Variants in PARVG observed in about 807,000 individuals in gnomAD.
The protein encoded by PARVG is parvin gamma.
In PARVG, 36 loss-of-function variants were observed where a neutral mutation model predicts 44.4. That is an observed-to-expected ratio of 0.81 (90% CI 0.62 to 1.07). PARVG has a LOEUF of 1.07. PARVG is among the 50% of genes least tolerant of loss of function. PARVG has a pLI of 0.00. For missense variants in PARVG, 407 were observed against 407.4 expected, an observed-to-expected ratio of 1.00 and a Z score of 0.01; for synonymous variants, 170 against 174.1, an observed-to-expected ratio of 0.98 and a Z score of 0.19.
In PARVG at chr22:44,192,081, G is replaced by A; in HGVS notation, c.537G>A (p.Leu179=). The change falls in exon 8 of 14, where the codon TTG becomes TTA. Residue 179 remains leucine (L), a synonymous_variant. Coordinates refer to ENST00000444313, the MANE Select transcript of PARVG (RefSeq NM_022141.7). ...AAAGTGGTCTGAAGTCAGAGAAGTT[G>A]GTGGAACAGCTCACTGAATACAGGT... ...STKSGLKSEK[L]VEQLTEYSTD... 6.2e-7 allele frequency: 1 copy of A among 1,613,568 alleles called. No individual in the cohort carries two copies. The highest frequency in any genetic ancestry group is 8.5e-7 in the Non-Finnish European group (1 of 1,179,950).
upstream of PARVG, among the ~76,000 whole-genome samples, chr22:44,176,472 C>A (rs1026696763): frequency 5.9e-5 from 9 of 152,006 alleles, no homozygotes; most frequent in Admixed American, 1.3e-4. Flanking sequence ...ATATGGAGGG[C>A]CAACTGTACT....
intron 11 of PARVG, among the ~76,000 whole-genome samples, 163 bp downstream of exon 11, chr22:44,196,578 A>G (rs6006496): frequency 0.045 from 6,792 of 149,682 alleles, 530 homozygotes; most frequent in African/African-American, 0.16. Flanking sequence ...GGCAGGCAGC[A>G]GTGGTCACCA....
chr22:44,176,720 T>A (rs1026811089), upstream of PARVG, among the ~76,000 whole-genome samples: 6 of 151,730 alleles, frequency 4.0e-5, no homozygotes, highest in Non-Finnish European at 8.8e-5. Flanking sequence ...CTACAAAGAG[T>A]TCCTATGTGT....
chr22:44,204,738 TG>T (rs1169372917), intron 12 of PARVG, among the ~76,000 whole-genome samples: 1 of 152,190 alleles, frequency 6.6e-6, no homozygotes. Flanking sequence ...ACCCCCGGGC[TG>T]GGATGTCCAC....
intron 6 of PARVG, 43 bp downstream of exon 6, chr22:44,189,297 C>T (rs749194826): frequency 5.0e-6 from 8 of 1,603,332 alleles, no homozygotes; most frequent in South Asian, 2.2e-5. Flanking sequence ...AGTGTGGGGC[C>T]GCTGGGGTCC....
intron 6 of PARVG, among the ~76,000 whole-genome samples, chr22:44,189,590 T>C (rs2054521111): frequency 6.6e-6 from 1 of 152,212 alleles, no homozygotes; most frequent in Admixed American, 6.5e-5. Context: ...CATTAAAGTA[T>C]TGGAATATCT....
In PARVG at chr22:44,182,547, G is replaced by A. The variant is rs936697636; in HGVS notation, c.-13+630G>A. On this transcript the variant is annotated intron_variant, in intron 2 of 13. Transcript: ENST00000444313. This position sits in a 1 kb window ranked among gnomAD's most constrained non-coding sequence, Gnocchi z 4.6. ...GCCTCCGTCTCCCACAGCTCAGGGG[G>A]CTCCCTGCTCTGGCCACCAACTTCT... Among the ~76,000 whole-genome samples the A allele has an allele frequency of 1.3e-5, 2 of 152,194 alleles. No individual in the cohort carries two copies. The highest frequency in any genetic ancestry group is 4.1e-4 in the South Asian group (2 of 4,830).
At chr22:44,203,098 C>T (rs772632975) in intron 12 of PARVG, among the ~76,000 whole-genome samples, 9 of 152,156 alleles carry the variant, frequency 5.9e-5, no homozygotes, top group Non-Finnish European at 1.0e-4. Flanking sequence ...ATCTTTTGTT[C>T]AGATTGAGTG....
chr22:44,183,880 C>T (rs754647118), intron 3 of PARVG: 26 of 361,468 alleles, frequency 7.2e-5, no homozygotes, highest in South Asian at 5.7e-4. Flanking sequence ...GACCACGCAG[C>T]GATGCCCACC....
chr22:44,176,795 G>C (rs1323512040), upstream of PARVG, among the ~76,000 whole-genome samples: 3 of 152,138 alleles, frequency 2.0e-5, no homozygotes, highest in Non-Finnish European at 2.9e-5. Context: ...AAAGGAAAAA[G>C]GTTTAGTGGA....
intron 1 of PARVG, among the ~76,000 whole-genome samples, chr22:44,174,572 C>A (rs2054301358): frequency 1.3e-5 from 2 of 150,970 alleles, no homozygotes; most frequent in East Asian, 2.0e-4. Context: ...AAAAAAAACC[C>A]ACAAAAAATA....
intron 12 of PARVG, among the ~76,000 whole-genome samples, chr22:44,199,436 C>T (rs907799577): frequency 1.3e-5 from 2 of 152,296 alleles, no homozygotes; most frequent in African/African-American, 4.8e-5. Flanking sequence ...CCTGCTCATC[C>T]ACCCATCCCC....
upstream of PARVG, among the ~76,000 whole-genome samples, chr22:44,179,762 A>ATTCAGTTGCCGATGATTAGAGTCTC (rs149598940): frequency 0.039 from 5,882 of 152,112 alleles, 144 homozygotes; most frequent in African/African-American, 0.052. The surrounding 1 kb of genome is among the most constrained non-coding windows in gnomAD (Gnocchi z 4.2). Context: ...GTTAATTGGG[A>ATTCAGTTGCCGATGATTAGAGTCTC]TTCAGTTGCC....
At chr22:44,174,069 C>T (rs1228277777) in intron 1 of PARVG, among the ~76,000 whole-genome samples, 6 of 152,146 alleles carry the variant, frequency 3.9e-5, no homozygotes, top group Admixed American at 6.5e-5. Flanking sequence ...GGGGATCTTC[C>T]GATTGGTTCT....
At chr22:44,198,001 ATTTCAGTTGTAT>A in intron 11 of PARVG, among the ~76,000 whole-genome samples, 4 of 152,318 alleles carry the variant, frequency 2.6e-5, no homozygotes, top group Admixed American at 2.6e-4. Context: ...AGTCCCTTGC[ATTTCAGTTGTAT>A]TACCAAGGAA....
Position 44,189,256 on chromosome 22 carries a change from T to C in PARVG, c.388+2T>C. On this transcript the variant is annotated splice_donor_variant, in intron 6 of 13. Transcript: ENST00000444313. LOFTEE classifies it high-confidence loss of function. ...GGCAGGCCAAGTGGAGCGTGGAGAG[T>C]ACGTGGGCCACAACCTGGCTACCCC... The C allele has an allele frequency of 6.2e-7, 1 of 1,613,048 alleles. No homozygotes were observed. Among genetic ancestry groups the C allele is most frequent in the Non-Finnish European group, 8.5e-7 (1 of 1,179,648 alleles).
At chr22:44,192,268 G>A (rs963244034) in intron 8 of PARVG, 164 bp downstream of exon 8, 9 of 732,470 alleles carry the variant, frequency 1.2e-5, no homozygotes, top group African/African-American at 3.5e-5. Context: ...TCAATCCCAC[G>A]GCAGCACACA....
intron 8 of PARVG, among the ~76,000 whole-genome samples, chr22:44,193,128 T>C (rs932381): frequency 0.28 from 42,218 of 152,086 alleles, 6,161 homozygotes; most frequent in Middle Eastern, 0.49. Flanking sequence ...GGCCCCAGCT[T>C]TCTTCTGGAG....
Position 44,181,729 on chromosome 22 carries a change from G to A in PARVG, c.-188-13G>A. 1.0e-6 allele frequency: 1 copy of A among 985,308 alleles called. No individual in the cohort carries two copies. The highest frequency in any genetic ancestry group is 1.2e-6 in the Non-Finnish European group (1 of 829,918). The allele number at this position is 985,308 out of a possible 1,614,324, so 61.0% of individuals were successfully genotyped here. A position where few individuals can be genotyped will look rare whatever the true frequency, so the allele number is the denominator to read the frequency against. Reference sequence around the variant, plus strand: ...ACTTTCACGGCATCCACCCCCCTCGGGCCCTGCCGCAGAGAGGAGGAAGCT... The same window carrying A: ...ACTTTCACGGCATCCACCCCCCTCGAGCCCTGCCGCAGAGAGGAGGAAGCT... On this transcript the variant is annotated splice_polypyrimidine_tract_variant and intron_variant, in intron 1 of 13. Transcript: ENST00000444313.
Sources: gnomAD v4.1 joint callset for allele counts (sites outside exome capture counted in the v4.1 genomes callset) on GRCh38, gnomAD v4.1.1 for gene constraint, Gnocchi (gnomAD v3.1) non-coding constraint, MANE v1.5 for transcripts, NCBI Gene and HGNC (gene_info 2026-07-23, HGNC 2026-07-21) for gene names.